The following WIPF1 variants were observed in gnomAD, a reference collection of about 807,000 sequenced individuals.
WIPF1 encodes WAS/WASL-interacting protein family member 1.
A neutral mutation model predicts 35.4 loss-of-function variants in WIPF1; 13 were observed. That is an observed-to-expected ratio of 0.37 (90% CI 0.24 to 0.58). The LOEUF is 0.58. Among genes scored for constraint, WIPF1 ranks in the 20% least tolerant of loss-of-function variants. The probability of loss-of-function intolerance (pLI) is 0.74; values close to 1 mark genes in which losing one functional copy is unlikely to be tolerated. For missense variants in WIPF1, 591 were observed against 667.0 expected (o/e 0.89, Z 1.25); for synonymous variants, 267 against 266.3 (o/e 1.00, Z -0.02).
chr2:174,650,961 A>G (rs1187274146), intron 1 of WIPF1, among the ~76,000 whole-genome samples: 4 of 152,272 alleles, frequency 2.6e-5, no homozygotes, highest in Non-Finnish European at 5.9e-5. Flanking sequence ...ATCTAGGAAC[A>G]CAACTTTTGA....
At chr2:174,573,421 T>C (rs1182113276) in intron 4 of WIPF1, among the ~76,000 whole-genome samples, 1 of 152,224 alleles carries the variant, frequency 6.6e-6, no homozygotes, top group African/African-American at 2.4e-5. Flanking sequence ...GTTTACATTC[T>C]TGTGGGGGGA....
intron 6 of WIPF1, among the ~76,000 whole-genome samples, chr2:174,567,512 C>G (rs1033785495): frequency 6.6e-6 from 1 of 152,208 alleles, no homozygotes; most frequent in South Asian, 2.1e-4. Flanking sequence ...ATCTGCAGGC[C>G]GTCAGGCCTC....
chr2:174,663,806 G>A (rs1162832054), intron 1 of WIPF1, among the ~76,000 whole-genome samples: 5 of 152,288 alleles, frequency 3.3e-5, no homozygotes, highest in South Asian at 2.1e-4. Flanking sequence ...TTCCATATGC[G>A]GGCACAGGAA....
At chr2:174,595,673 C>A (rs1003605087) in intron 1 of WIPF1, among the ~76,000 whole-genome samples, 12 of 152,102 alleles carry the variant, frequency 7.9e-5, no homozygotes, top group Non-Finnish European at 1.8e-4. Context: ...TGTGTGTACA[C>A]CCATGCAAAC....
intron 1 of WIPF1, among the ~76,000 whole-genome samples, chr2:174,616,402 G>T (rs960079390): frequency 6.6e-6 from 1 of 152,116 alleles, no homozygotes; most frequent in African/African-American, 2.4e-5. Flanking sequence ...ACCCCTGCTG[G>T]AATGGCAAGT....
At chr2:174,651,312 T>A (rs1400776441) in intron 1 of WIPF1, among the ~76,000 whole-genome samples, 1 of 152,204 alleles carries the variant, frequency 6.6e-6, no homozygotes, top group East Asian at 1.9e-4. Flanking sequence ...ATTAAGTATT[T>A]ACATGAATCA....
chr2:174,609,875 A>ACC (rs1260606358), intron 1 of WIPF1, among the ~76,000 whole-genome samples: 1 of 152,086 alleles, frequency 6.6e-6, no homozygotes, highest in Non-Finnish European at 1.5e-5. Context: ...ACAGCTACTC[A>ACC]CCTCTGATCC....
At chr2:174,661,946 G>C (rs1407063148) in intron 1 of WIPF1, among the ~76,000 whole-genome samples, 1 of 152,068 alleles carries the variant, frequency 6.6e-6, no homozygotes, top group African/African-American at 2.4e-5. Context: ...TGGAAGAAAA[G>C]AACAGATGAA....
chr2:174,607,263 C>T (rs1374230637), intron 1 of WIPF1, among the ~76,000 whole-genome samples: 2 of 151,830 alleles, frequency 1.3e-5, no homozygotes, highest in East Asian at 1.9e-4. Flanking sequence ...ATTAGCTGGG[C>T]GTGGTGGCGG....
chr2:174,633,171 T>C (rs1258992972), intron 1 of WIPF1, among the ~76,000 whole-genome samples: 1 of 152,206 alleles, frequency 6.6e-6, no homozygotes, highest in East Asian at 1.9e-4. Flanking sequence ...CAGCTTTGTC[T>C]CCATTTTCTT....
chr2:174,640,096 C>T (rs187481119), intron 1 of WIPF1, among the ~76,000 whole-genome samples: 59 of 151,972 alleles, frequency 3.9e-4, no homozygotes, highest in Admixed American at 9.8e-4. Flanking sequence ...TTGCAGGATA[C>T]AAAATCAACG....
At chr2:174,651,124 C>T (rs35769329) in intron 1 of WIPF1, among the ~76,000 whole-genome samples, 10,397 of 152,244 alleles carry the variant, frequency 0.068, 462 homozygotes, top group Middle Eastern at 0.1. Flanking sequence ...CTGTGGAGAC[C>T]GCTCAACTGA....
intron 1 of WIPF1, among the ~76,000 whole-genome samples, chr2:174,650,605 T>A (rs183602115): frequency 6.6e-6 from 1 of 152,368 alleles, no homozygotes; most frequent in Admixed American, 6.5e-5. Flanking sequence ...GATGATTGAC[T>A]CTCTTTAGCT....
intron 1 of WIPF1, among the ~76,000 whole-genome samples, chr2:174,606,810 T>C (rs931249180): frequency 4.6e-5 from 7 of 152,196 alleles, no homozygotes; most frequent in African/African-American, 1.7e-4. Context: ...GTAAAGAAGT[T>C]TTAAATTAAG....
chr2:174,655,811 A>G (rs1193318803), intron 1 of WIPF1: 1 of 152,266 alleles, frequency 6.6e-6, no homozygotes, highest in African/African-American at 2.4e-5. Context: ...CACAGACTAT[A>G]AGCTCTATGA....
intron 3 of WIPF1, among the ~76,000 whole-genome samples, chr2:174,579,486 C>G (rs1391405754): frequency 6.6e-6 from 1 of 152,060 alleles, no homozygotes; most frequent in Admixed American, 6.5e-5. Context: ...CAAACAGATA[C>G]AAAACTGTGG....
chr2:174,602,581 T>C (rs1686043393), upstream of WIPF1, among the ~76,000 whole-genome samples: 1 of 152,200 alleles, frequency 6.6e-6, no homozygotes, highest in African/African-American at 2.4e-5. Flanking sequence ...GCATTAGTTG[T>C]AAGAATCTAT....
At chr2:174,621,661 A>G (rs1686679041) in intron 1 of WIPF1, among the ~76,000 whole-genome samples, 1 of 152,222 alleles carries the variant, frequency 6.6e-6, no homozygotes, top group Non-Finnish European at 1.5e-5. Flanking sequence ...CATTAATTTT[A>G]AGAATATATT....
chr2:174,561,902 A>C lies in WIPF1; in HGVS notation c.*645T>G, dbSNP rs1325865555. The C allele has an allele frequency of 4.2e-6, 3 of 706,074 alleles. No individual in the cohort carries two copies. Among genetic ancestry groups the C allele is most frequent in the African/African-American group, 1.8e-5 (1 of 55,908 alleles). The allele number at this position is 706,074 out of a possible 1,614,324, so 43.7% of individuals were successfully genotyped here. A position where few individuals can be genotyped will look rare whatever the true frequency, so the allele number is the denominator to read the frequency against. The stretch of plus-strand genomic sequence containing the variant: ...ATTCAGTACCAAAAAATAATATAAA[A>C]TATCTCATTAAAATTTTATGTTGAT... On this transcript the variant is annotated 3_prime_UTR_variant, in exon 8 of 8. Transcript: ENST00000679041.
Sources: allele counts gnomAD v4.1 joint callset (sites outside exome capture counted in the v4.1 genomes callset), GRCh38; gene constraint gnomAD v4.1.1; transcripts MANE v1.5; gene names NCBI Gene and HGNC (gene_info 2026-07-23, HGNC 2026-07-21).